The following UBAP2 variants were observed in gnomAD, a reference collection of about 807,000 sequenced individuals.
UBAP2 encodes ubiquitin associated protein 2, also known as ubiquitin-associated protein 2.
Under a neutral mutation model 139.6 loss-of-function variants are expected in UBAP2, and 75 were observed. The ratio of observed to expected loss-of-function variants is 0.54; its 90% CI spans 0.45 to 0.65. The LOEUF is 0.65. UBAP2 is among the 30% of genes least tolerant of loss of function. The probability of loss-of-function intolerance (pLI) is 0.00; values close to 1 mark genes in which losing one functional copy is unlikely to be tolerated. For missense variants in UBAP2, 1,368 were observed against 1,369.6 expected, an observed-to-expected ratio of 1.00 and a Z score of 0.02; for synonymous variants, 526 against 526.2, an observed-to-expected ratio of 1.00 and a Z score of 0.01.
intron 5 of UBAP2, among the ~76,000 whole-genome samples, chr9:33,988,024 A>AG (rs748594401): frequency 2.0e-5 from 3 of 152,204 alleles, no homozygotes; most frequent in Non-Finnish European, 2.9e-5. Context: ...CCTCTTTCAG[A>AG]GGCTGACTCA....
chr9:33,965,892 C>CA (rs1827409600), intron 8 of UBAP2, among the ~76,000 whole-genome samples: 1 of 151,714 alleles, frequency 6.6e-6, no homozygotes, highest in South Asian at 2.1e-4. Context: ...ACTAAAAATA[C>CA]AAAAAAATTA....
At chr9:34,025,123 C>G (rs779372036) in intron 1 of UBAP2, among the ~76,000 whole-genome samples, 7 of 152,106 alleles carry the variant, frequency 4.6e-5, no homozygotes, top group Non-Finnish European at 1.0e-4. Context: ...GAAACTAGAC[C>G]GTAAAAATCA....
intron 8 of UBAP2, among the ~76,000 whole-genome samples, chr9:33,966,863 G>A (rs1268731174): frequency 6.6e-6 from 1 of 151,900 alleles, no homozygotes; most frequent in Non-Finnish European, 1.5e-5. Flanking sequence ...GAATATATGT[G>A]TATACATATA....
intron 19 of UBAP2, among the ~76,000 whole-genome samples, chr9:33,931,111 G>A (rs1192449750): frequency 6.6e-6 from 1 of 152,168 alleles, no homozygotes; most frequent in African/African-American, 2.4e-5. Context: ...ACACAGGCTT[G>A]AAATGCATGG....
At chr9:33,983,061 G>T (rs1202956990) in intron 6 of UBAP2, among the ~76,000 whole-genome samples, 2 of 151,870 alleles carry the variant, frequency 1.3e-5, no homozygotes, top group Non-Finnish European at 2.9e-5. Flanking sequence ...TGTATTTTGA[G>T]TAGAGACAGG....
intron 1 of UBAP2, among the ~76,000 whole-genome samples, chr9:34,039,715 G>A (rs558227823): frequency 2.0e-5 from 3 of 151,796 alleles, no homozygotes; most frequent in South Asian, 2.1e-4. Context: ...GCAGAAGGCC[G>A]CAGGGACCTC....
chr9:33,935,766 A>G (rs921945885), intron 17 of UBAP2, 73 bp downstream of exon 17: 6 of 1,569,548 alleles, frequency 3.8e-6, no homozygotes, highest in Non-Finnish European at 4.4e-6. Flanking sequence ...TGTTTTCCAC[A>G]TCACGTGAGC....
intron 2 of UBAP2, among the ~76,000 whole-genome samples, chr9:34,002,682 C>A (rs11791277): frequency 0.13 from 19,944 of 151,554 alleles, 1,565 homozygotes; most frequent in South Asian, 0.33. Flanking sequence ...GCCTTAACAT[C>A]TTTTTTTTAA....
chr9:33,986,115 A>C (rs1203214209), intron 6 of UBAP2, among the ~76,000 whole-genome samples: 1 of 149,594 alleles, frequency 6.7e-6, no homozygotes, highest in African/African-American at 2.4e-5. Flanking sequence ...TGCAGTGAGG[A>C]GATCTCGGCT....
rs781558288 is a variant in UBAP2, at chr9:33,935,823, T to C, written c.1969+16A>G. On this transcript the variant is annotated intron_variant, in intron 17 of 28. Coordinates refer to ENST00000379238, the MANE Select transcript of UBAP2 (RefSeq NM_001370062.2). ...TGGCACCAGCCATGACAAGAGTAGC[T>C]TGCTGCTATACTTACTGTCTAGTGT... 6.2e-7 allele frequency: 1 copy of C among 1,614,150 alleles called. No individual in the cohort carries two copies. Among genetic ancestry groups the C allele is most frequent in the East Asian group, 2.2e-5 (1 of 44,890 alleles).
intron 16 of UBAP2, among the ~76,000 whole-genome samples, chr9:33,937,909 C>T (rs2130908385): frequency 6.6e-6 from 1 of 152,194 alleles, no homozygotes; most frequent in African/African-American, 2.4e-5. Context: ...AACAGCAAAC[C>T]TCCCTCTCAA....
chr9:33,998,812 G>A lies in UBAP2; in HGVS notation c.152C>T (p.Ser51Leu). The A allele has an allele frequency of 2.5e-6, 4 of 1,612,328 alleles. No individual in the cohort carries two copies. The highest frequency in any genetic ancestry group is 3.4e-6 in the Non-Finnish European group (4 of 1,179,740). The change falls in exon 3 of 29, where the codon TCA (serine) becomes TTA (leucine). Residue 51 changes from serine to leucine, a missense_variant. Coordinates refer to ENST00000379238, the MANE Select transcript of UBAP2 (RefSeq NM_001370062.2). ...LAQVIFDKND[S>L]DFEAKVKQLM... is the part of the protein sequence containing the mutation. Reference sequence around the variant, plus strand: ...CTGCTTAACTTTAGCTTCAAAATCTGAATCATTCTTATCAAAGATCACTTG... The same window carrying A: ...CTGCTTAACTTTAGCTTCAAAATCTAAATCATTCTTATCAAAGATCACTTG...
At chr9:33,954,903 T>C (rs1451840100) in intron 11 of UBAP2, among the ~76,000 whole-genome samples, 3 of 152,228 alleles carry the variant, frequency 2.0e-5, no homozygotes, top group East Asian at 1.9e-4. Context: ...AGGTATCATA[T>C]GTAACCAGTC....
intron 2 of UBAP2, among the ~76,000 whole-genome samples, chr9:34,014,744 G>A (rs1476767684): frequency 7.1e-6 from 1 of 141,738 alleles, no homozygotes; most frequent in Non-Finnish European, 1.5e-5. Flanking sequence ...GGAGTGAGCC[G>A]AGACTGGCCA....
At chr9:34,015,494 AT>A (rs11350848) in intron 2 of UBAP2, among the ~76,000 whole-genome samples, 142,713 of 148,794 alleles carry the variant, frequency 0.96, 68,530 homozygotes, top group Non-Finnish European at 0.99. Context: ...TAATTTTCGT[AT>A]TTTTTTTTTT....
chr9:33,952,551 G>A (rs1270042241), intron 12 of UBAP2, among the ~76,000 whole-genome samples: 1 of 152,120 alleles, frequency 6.6e-6, no homozygotes, highest in African/African-American at 2.4e-5. Flanking sequence ...TAAGCGCCTA[G>A]GCAGACTCAG....
chr9:33,999,240 T>C (rs1364224078), intron 2 of UBAP2, among the ~76,000 whole-genome samples: 1 of 151,282 alleles, frequency 6.6e-6, no homozygotes, highest in Non-Finnish European at 1.5e-5. Flanking sequence ...GAAGCCAAGG[T>C]AGAAGCACTG....
chr9:34,039,933 C>T (rs780473532), intron 1 of UBAP2, among the ~76,000 whole-genome samples: 5 of 148,266 alleles, frequency 3.4e-5, no homozygotes, highest in Non-Finnish European at 4.4e-5. Context: ...CCGAGGCGGG[C>T]GATCACCTGA....
intron 1 of UBAP2, among the ~76,000 whole-genome samples, chr9:34,048,334 G>GA (rs1827795162): frequency 6.6e-6 from 1 of 152,196 alleles, no homozygotes; most frequent in Admixed American, 6.5e-5. Flanking sequence ...AAGTAGAACT[G>GA]AACTGTGACT....
Sources: allele counts gnomAD v4.1 joint callset (sites outside exome capture counted in the v4.1 genomes callset), GRCh38; gene constraint gnomAD v4.1.1; transcripts MANE v1.5; gene names NCBI Gene and HGNC (gene_info 2026-07-23, HGNC 2026-07-21).